MECOM: variants seen among roughly 807,000 people sequenced by gnomAD.
The protein encoded by MECOM is histone-lysine N-methyltransferase MECOM.
In MECOM, 13 loss-of-function variants were observed where a neutral mutation model predicts 116.3. The observed-to-expected ratio is 0.11, with a 90% CI of 0.07 to 0.18. The LOEUF is 0.18. MECOM is among the 10% of genes least tolerant of loss of function. The pLI is 1.00. For missense variants in MECOM, 1,299 were observed against 1,509.0 expected, an observed-to-expected ratio of 0.86 and a Z score of 2.31; for synonymous variants, 528 against 535.2, an observed-to-expected ratio of 0.99 and a Z score of 0.19.
chr3:169,333,219 G>A (rs1723038889), intron 2 of MECOM, among the ~76,000 whole-genome samples: 1 of 152,084 alleles, frequency 6.6e-6, no homozygotes, highest in Admixed American at 6.6e-5. Context: ...AAGTTTTGAG[G>A]AAGTTAGACA....
At chr3:169,543,634 A>C (rs563705928) in intron 1 of MECOM, among the ~76,000 whole-genome samples, 1 of 152,336 alleles carries the variant, frequency 6.6e-6, no homozygotes, top group East Asian at 1.9e-4. Flanking sequence ...ACAAATAATA[A>C]AATCAAAACA....
intron 1 of MECOM, among the ~76,000 whole-genome samples, chr3:169,504,150 AGTGTGTGTGTGTGT>A (rs3044764): frequency 0.1 from 13,657 of 132,740 alleles, 739 homozygotes; most frequent in African/African-American, 0.13. Flanking sequence ...GAAAAAGAGA[AGTGTGTGTGTGTGT>A]GTGTGTGTGT....
rs546970638 is a variant in MECOM at position 169,435,725 on chromosome 3, A to G, written c.38-54201T>C. On this transcript the variant is annotated intron_variant, in intron 1 of 16. Coordinates refer to ENST00000651503, the MANE Select transcript of MECOM (RefSeq NM_004991.4). ...TGTCTTCTGTATCTTTGATTTCTTA[A>G]TTCCGTTTATTTAGAACGACTTGTG... Among the ~76,000 whole-genome samples the G allele has an allele frequency of 2.4e-4, 37 of 152,326 alleles. No individual in the cohort carries two copies. The South Asian group carries it at 7.7e-3, about 32-fold the overall frequency.
intron 1 of MECOM, among the ~76,000 whole-genome samples, chr3:169,660,828 T>C (rs1279136292): frequency 6.6e-6 from 1 of 152,228 alleles, no homozygotes; most frequent in Non-Finnish European, 1.5e-5. Context: ...ATTTCCTTTA[T>C]TACCCAGATT....
intron 2 of MECOM, among the ~76,000 whole-genome samples, chr3:169,325,919 C>A (rs1721759039): frequency 1.3e-5 from 2 of 152,204 alleles, no homozygotes; most frequent in Non-Finnish European, 2.9e-5. Context: ...ATGTGTAGCA[C>A]TAAATTCAAC....
intron 1 of MECOM, among the ~76,000 whole-genome samples, chr3:169,592,059 G>A (rs926184174): frequency 1.3e-5 from 2 of 152,158 alleles, no homozygotes; most frequent in Non-Finnish European, 2.9e-5. Context: ...CTGTGACTCA[G>A]AGATTTTGTT....
intron 1 of MECOM, among the ~76,000 whole-genome samples, chr3:169,499,691 C>T (rs1193896521): frequency 6.6e-6 from 1 of 151,840 alleles, no homozygotes; most frequent in African/African-American, 2.4e-5. Flanking sequence ...ATATCTAAAG[C>T]ATTATATGCT....
chr3:169,625,371 A>T (rs1329980871), intron 1 of MECOM, among the ~76,000 whole-genome samples: 1 of 152,120 alleles, frequency 6.6e-6, no homozygotes, highest in Non-Finnish European at 1.5e-5. Context: ...CTCATTCCTG[A>T]CAGGTTAAAG....
intron 1 of MECOM, among the ~76,000 whole-genome samples, chr3:169,482,023 G>C (rs1027188923): frequency 3.9e-5 from 6 of 152,048 alleles, no homozygotes; most frequent in African/African-American, 1.4e-4. Flanking sequence ...TAGACTGGAG[G>C]GAATATGCTA....
chr3:169,625,192 CTT>C (rs1577164789), intron 1 of MECOM, among the ~76,000 whole-genome samples: 1 of 152,128 alleles, frequency 6.6e-6, no homozygotes, highest in African/African-American at 2.4e-5. Context: ...AATAGTGAGA[CTT>C]ATTTCTTAGA....
At chr3:169,142,221 C>T (rs1207988264) in intron 3 of MECOM, among the ~76,000 whole-genome samples, 3 of 151,810 alleles carry the variant, frequency 2.0e-5, no homozygotes, top group Non-Finnish European at 3.0e-5. Flanking sequence ...CTACAAGTCC[C>T]GTTCTTAAAT....
chr3:169,365,714 A>G (rs1282567740), intron 2 of MECOM, among the ~76,000 whole-genome samples: 1 of 152,020 alleles, frequency 6.6e-6, no homozygotes, highest in African/African-American at 2.4e-5. Flanking sequence ...GCTTATATTC[A>G]GAGAGGTGTG....
Position 169,611,113 on chromosome 3 carries a change from T to TA in MECOM, c.37+52222dup, listed in dbSNP as rs1241298580. On this transcript the variant is annotated intron_variant, in intron 1 of 16. Coordinates refer to ENST00000651503, the MANE Select transcript of MECOM (RefSeq NM_004991.4). The surrounding 1 kb of genome is among the most constrained non-coding windows in gnomAD (Gnocchi z 4.1). Reference sequence around the variant, plus strand: ...GAGCTGATAAATCTGTTTTTGTTGATACTGCTGCTGCTGCGGTTTTTAACA... The same window carrying TA: ...GAGCTGATAAATCTGTTTTTGTTGATAACTGCTGCTGCTGCGGTTTTTAACA... 6.6e-6 allele frequency among the ~76,000 whole-genome samples: 1 copy of TA among 152,236 alleles called. No homozygotes were observed. Among genetic ancestry groups the TA allele is most frequent in the Non-Finnish European group, 1.5e-5 (1 of 68,044 alleles).
Position 169,654,322 on chromosome 3 carries a change from CAT to C in MECOM, c.37+9012_37+9013del, listed in dbSNP as rs553301027. Among the ~76,000 whole-genome samples, 252 of 152,334 alleles carry C rather than the reference CAT, an allele frequency of 1.7e-3. 3 individuals are homozygous for C. Among genetic ancestry groups the C allele is most frequent in the Admixed American group, 9.8e-3 (150 of 15,302 alleles). On this transcript the variant is annotated intron_variant, in intron 1 of 16. Coordinates refer to ENST00000651503, the MANE Select transcript of MECOM (RefSeq NM_004991.4). The stretch of plus-strand genomic sequence containing the variant: ...ACAGAGCAAAGTATGTTTATTTTCA[CAT>C]GTTACCCGAACATATATGACCTTCC...
chr3:169,109,366 C>T (rs1407268667), intron 9 of MECOM, among the ~76,000 whole-genome samples: 1 of 151,952 alleles, frequency 6.6e-6, no homozygotes, highest in East Asian at 1.9e-4. Context: ...TAAGAGAAGA[C>T]TTTAGACCCT....
At chr3:169,302,022 C>T (rs552011302) in intron 2 of MECOM, among the ~76,000 whole-genome samples, 3 of 152,128 alleles carry the variant, frequency 2.0e-5, no homozygotes, top group Non-Finnish European at 4.4e-5. Flanking sequence ...GAATATATGC[C>T]TCCTAAATGT....
At chr3:169,199,794 T>A (rs577491148) in intron 2 of MECOM, among the ~76,000 whole-genome samples, 2 of 152,192 alleles carry the variant, frequency 1.3e-5, no homozygotes, top group African/African-American at 4.8e-5. Flanking sequence ...GAGACCATAG[T>A]TTCATCCTAG....
At chr3:169,492,082 G>C (rs1025262033) in intron 1 of MECOM, among the ~76,000 whole-genome samples, 4 of 152,166 alleles carry the variant, frequency 2.6e-5, no homozygotes, top group African/African-American at 9.7e-5. Flanking sequence ...CTTCAATTCT[G>C]CTCAGCACAA....
rs141898680 is a variant in MECOM at position 169,602,032 on chromosome 3, G to A, written c.37+61304C>T. On this transcript the variant is annotated intron_variant, in intron 1 of 16. Coordinates refer to ENST00000651503, the MANE Select transcript of MECOM (RefSeq NM_004991.4). Reference sequence around the variant, plus strand: ...AGAAGAGGAACCCATTAATTACCACGTATGGGGAAAGAAGAATTAGTATGC... The same window carrying A: ...AGAAGAGGAACCCATTAATTACCACATATGGGGAAAGAAGAATTAGTATGC... Among the ~76,000 whole-genome samples the A allele has an allele frequency of 4.3e-3, 652 of 152,250 alleles. 4 individuals are homozygous for A. Among genetic ancestry groups the A allele is most frequent in the Non-Finnish European group, 6.5e-3 (442 of 68,024 alleles).
Sources: allele counts gnomAD v4.1 joint callset (sites outside exome capture counted in the v4.1 genomes callset), GRCh38; gene constraint gnomAD v4.1.1; non-coding constraint Gnocchi (gnomAD v3.1); transcripts MANE v1.5; gene names NCBI Gene and HGNC (gene_info 2026-07-23, HGNC 2026-07-21).